Variants in GSTO2 observed in about 807,000 individuals in gnomAD.
GSTO2 encodes glutathione S-transferase omega-2.
In GSTO2, 23 loss-of-function variants were observed where a neutral mutation model predicts 28.4. That is an observed-to-expected ratio of 0.81 (90% CI 0.58 to 1.15). The LOEUF (loss-of-function observed/expected upper bound fraction) is 1.15, where lower values mean the gene tolerates loss of function less well. Ranked by LOEUF, GSTO2 falls within the 50% of genes most tolerant of loss-of-function variation. The pLI is 0.00. For missense variants in GSTO2, 298 were observed against 297.8 expected (o/e 1.00, Z 0.00); for synonymous variants, 109 against 111.0 (o/e 0.98, Z 0.11).
intron 1 of GSTO2, among the ~76,000 whole-genome samples, chr10:104,270,757 T>C (rs2011361271): frequency 7.5e-6 from 1 of 132,460 alleles, no homozygotes; most frequent in Non-Finnish European, 1.5e-5. Context: ...AGGAATGTAC[T>C]CCAGTCCAGT....
chr10:104,293,563 A>ATTTTT lies in GSTO2; in HGVS notation c.469-3997_469-3993dup, dbSNP rs397787244. Among the ~76,000 whole-genome samples the ATTTTT allele has an allele frequency of 9.6e-4, 78 of 81,636 alleles. 4 individuals are homozygous for ATTTTT. Among genetic ancestry groups the ATTTTT allele is most frequent in the East Asian group, 2.9e-3 (10 of 3,508 alleles). The allele number at this position is 81,636 out of a possible 152,430, so 53.6% of individuals were successfully genotyped here. A position where few individuals can be genotyped will look rare whatever the true frequency, so the allele number is the denominator to read the frequency against. On this transcript the variant is annotated intron_variant, in intron 5 of 6. Coordinates refer to ENST00000338595, the MANE Select transcript of GSTO2 (RefSeq NM_183239.2). ...AGGCATGAGCCACTGCGCCTGGCCA[A>ATTTTT]TTTTTTTTTTTTTTTTTTTTTTGCG...
At chr10:104,279,032 A>C (rs1167017914) in intron 4 of GSTO2, among the ~76,000 whole-genome samples, 1 of 152,186 alleles carries the variant, frequency 6.6e-6, no homozygotes, top group Non-Finnish European at 1.5e-5. Flanking sequence ...TGAAGTGGGT[A>C]CTGCTATCGT....
At chr10:104,286,117 A>G (rs182133096) in intron 5 of GSTO2, 35 of 170,488 alleles carry the variant, frequency 2.1e-4, no homozygotes, top group Admixed American at 1.9e-3. Flanking sequence ...ATATGCCACA[A>G]AATTCACCCT....
intron 5 of GSTO2, among the ~76,000 whole-genome samples, chr10:104,293,988 G>T (rs1258795903): frequency 6.6e-6 from 1 of 152,102 alleles, no homozygotes; most frequent in Non-Finnish European, 1.5e-5. Flanking sequence ...AGGCTCCCCT[G>T]TCCTTCCCCA....
intron 5 of GSTO2, chr10:104,296,236 G>T (rs995015935): frequency 6.6e-6 from 1 of 152,074 alleles, no homozygotes; most frequent in African/African-American, 2.4e-5. Context: ...TTGGGAATGA[G>T]AAATTTTATT....
chr10:104,280,447 C>T (rs2011967074), intron 5 of GSTO2, among the ~76,000 whole-genome samples: 1 of 152,304 alleles, frequency 6.6e-6, no homozygotes, highest in Non-Finnish European at 1.5e-5. Flanking sequence ...AGAAATTCTA[C>T]TCAATGGCTA....
intron 5 of GSTO2, among the ~76,000 whole-genome samples, chr10:104,287,744 G>A (rs1326018072): frequency 1.3e-5 from 2 of 151,714 alleles, no homozygotes; most frequent in Non-Finnish European, 2.9e-5. Flanking sequence ...ATTAGAATTA[G>A]GGTGGGTAAG....
intron 1 of GSTO2, among the ~76,000 whole-genome samples, chr10:104,271,711 A>G (rs1464197950): frequency 1.3e-5 from 2 of 152,252 alleles, no homozygotes; most frequent in Non-Finnish European, 2.9e-5. Flanking sequence ...TCCCACATAC[A>G]GATACACTTT....
In GSTO2 at chr10:104,299,465, C is replaced by T. The variant is rs2135153603; in HGVS notation, c.*181C>T. ...TGACTCCTCTAGCCTGTAGCTGCTG[C>T]TACTGCTGCTTTTTTTTCCTTTTTT... On this transcript the variant is annotated 3_prime_UTR_variant, in exon 7 of 7. Coordinates refer to ENST00000338595, the MANE Select transcript of GSTO2 (RefSeq NM_183239.2). 1 of 661,622 alleles carries T rather than the reference C, an allele frequency of 1.5e-6. No individual in the cohort carries two copies. 41.0% of individuals were successfully genotyped at this position (661,622 alleles called of 1,614,324 possible). A position where few individuals can be genotyped will look rare whatever the true frequency, so the allele number is the denominator to read the frequency against.
At chr10:104,276,957 A>C (rs1195972107) in intron 3 of GSTO2, among the ~76,000 whole-genome samples, 1 of 152,198 alleles carries the variant, frequency 6.6e-6, no homozygotes, top group African/African-American at 2.4e-5. Context: ...AGAAGAATTA[A>C]AAAAGTTATT....
intron 5 of GSTO2, among the ~76,000 whole-genome samples, chr10:104,289,807 A>G (rs1303230724): frequency 1.3e-5 from 2 of 152,212 alleles, no homozygotes; most frequent in Non-Finnish European, 2.9e-5. Context: ...AAGACACACA[A>G]ATGGCAAACA....
intron 5 of GSTO2, chr10:104,295,194 T>C (rs994066573): frequency 3.4e-4 from 52 of 152,352 alleles, no homozygotes; most frequent in African/African-American, 1.2e-3. Context: ...GATTTGTTCC[T>C]TTCCCCTCTA....
chr10:104,275,725 G>A (rs973264740), intron 3 of GSTO2, among the ~76,000 whole-genome samples: 1 of 151,980 alleles, frequency 6.6e-6, no homozygotes, highest in African/African-American at 2.4e-5. Flanking sequence ...TGAACTTACT[G>A]CATCCAGCAT....
chr10:104,269,577 TGC>T (rs45464593), intron 1 of GSTO2, among the ~76,000 whole-genome samples: 21 of 152,216 alleles, frequency 1.4e-4, no homozygotes, highest in African/African-American at 5.1e-4. Flanking sequence ...TTCTCAGCCT[TGC>T]GTGGGACACC....
chr10:104,284,211 T>A (rs1312656354), intron 5 of GSTO2, among the ~76,000 whole-genome samples: 6 of 151,844 alleles, frequency 4.0e-5, no homozygotes, highest in Non-Finnish European at 8.8e-5. Context: ...AATACAAAAA[T>A]TAGTTGGATG....
intron 5 of GSTO2, among the ~76,000 whole-genome samples, chr10:104,286,163 A>G (rs1164712520): frequency 6.6e-6 from 1 of 152,096 alleles, no homozygotes; most frequent in Non-Finnish European, 1.5e-5. Flanking sequence ...TTAGTATATT[A>G]AGTGAGTTGT....
chr10:104,270,660 C>T (rs150747603), intron 1 of GSTO2, among the ~76,000 whole-genome samples: 1 of 152,136 alleles, frequency 6.6e-6, no homozygotes. Context: ...TTTTACCTAA[C>T]GTATCTCACT....
At chr10:104,282,241 AAAG>A (rs1248488238) in intron 5 of GSTO2, among the ~76,000 whole-genome samples, 78 of 145,904 alleles carry the variant, frequency 5.3e-4, no homozygotes, top group African/African-American at 1.8e-3. Context: ...AAAAAAAAAA[AAAG>A]AAAAGAAAAG....
intron 5 of GSTO2, among the ~76,000 whole-genome samples, chr10:104,292,629 G>A (rs2012830229): frequency 6.6e-6 from 1 of 151,638 alleles, no homozygotes; most frequent in African/African-American, 2.4e-5. Context: ...TGCCCAGTTA[G>A]TTTTTTTGTA....
Sources: gnomAD v4.1 joint callset for allele counts (sites outside exome capture counted in the v4.1 genomes callset) on GRCh38, gnomAD v4.1.1 for gene constraint, MANE v1.5 for transcripts, NCBI Gene and HGNC (gene_info 2026-07-23, HGNC 2026-07-21) for gene names.